The following CDH13 variants were observed in gnomAD, a reference collection of about 807,000 sequenced individuals.
CDH13 encodes the protein cadherin 13.
CDH13 carries 24 observed loss-of-function variants against 63.8 expected under a neutral mutation model. The observed-to-expected ratio is 0.38, with a 90% confidence interval of 0.27 to 0.53. The LOEUF (loss-of-function observed/expected upper bound fraction) is 0.53, where lower values mean the gene tolerates loss of function less well. Ranked by LOEUF, CDH13 falls within the 20% of genes least tolerant of loss-of-function variation. The pLI is 0.85. For missense variants in CDH13, 1,049 were observed against 903.1 expected (o/e 1.16, Z -2.07); for synonymous variants, 503 against 355.3 (o/e 1.42, Z -4.67).
intron 4 of CDH13, among the ~76,000 whole-genome samples, chr16:83,194,628 A>G (rs12102428): frequency 0.19 from 28,773 of 152,162 alleles, 2,996 homozygotes; most frequent in African/African-American, 0.27. Flanking sequence ...TTTCTTGGGT[A>G]AAAAGAAAAC....
intron 4 of CDH13, among the ~76,000 whole-genome samples, chr16:83,190,584 A>T (rs1567492262): frequency 6.6e-6 from 1 of 152,184 alleles, no homozygotes; most frequent in African/African-American, 2.4e-5. Flanking sequence ...GCCCTCACAA[A>T]TGCTGTTCAT....
intron 3 of CDH13, 112 bp downstream of exon 3, chr16:83,032,330 T>C: frequency 2.5e-6 from 2 of 809,500 alleles, no homozygotes; most frequent in South Asian, 3.9e-5. Context: ...CCTTTTGTTA[T>C]TGTTGTTGCA....
chr16:82,754,490 T>C (rs911698811), intron 1 of CDH13, among the ~76,000 whole-genome samples: 7 of 152,136 alleles, frequency 4.6e-5, no homozygotes, highest in African/African-American at 1.7e-4. Context: ...AGAAAAGGGG[T>C]CACTGTTTGT....
At chr16:82,958,225 C>G (rs1159099413) in intron 2 of CDH13, among the ~76,000 whole-genome samples, 1 of 152,178 alleles carries the variant, frequency 6.6e-6, no homozygotes, top group African/African-American at 2.4e-5. Flanking sequence ...AACTTGAATA[C>G]CTACTTAACA....
At chr16:83,411,060 C>T (rs16960415) in intron 6 of CDH13, among the ~76,000 whole-genome samples, 12,771 of 152,204 alleles carry the variant, frequency 0.084, 605 homozygotes, top group Middle Eastern at 0.13. Context: ...CTGATCCATC[C>T]ATAGCGGTCG....
At chr16:82,931,055 G>T (rs151087038) in intron 2 of CDH13, among the ~76,000 whole-genome samples, 189 of 152,304 alleles carry the variant, frequency 1.2e-3, no homozygotes, top group African/African-American at 4.3e-3. Flanking sequence ...TCCAAACAAA[G>T]TAGGCACCAT....
rs192738847 is a variant in CDH13, at chr16:83,797,563, A to T, written c.*2533A>T. 196 of 152,362 alleles carry T rather than the reference A, an allele frequency of 1.3e-3. 1 individual carries two copies. Among genetic ancestry groups the T allele is most frequent in the African/African-American group, 4.4e-3 (182 of 41,590 alleles). 9.4% of individuals were successfully genotyped at this position (152,362 alleles called of 1,614,324 possible). On this transcript the variant is annotated 3_prime_UTR_variant, in exon 14 of 14. Transcript: ENST00000567109. ...AAAATAAACCAATTCTTATAGGCCA[A>T]AGTGGTAGCATTTCCTGAATCATAA...
chr16:83,523,981 T>A (rs1377453654), intron 7 of CDH13, among the ~76,000 whole-genome samples: 1 of 152,138 alleles, frequency 6.6e-6, no homozygotes, highest in Non-Finnish European at 1.5e-5. Flanking sequence ...CCAGGAGTAT[T>A]TGCACCTCTC....
chr16:82,835,308 A>T (rs566279524), intron 1 of CDH13, among the ~76,000 whole-genome samples: 2 of 152,344 alleles, frequency 1.3e-5, no homozygotes, highest in East Asian at 3.9e-4. Context: ...GCTGGAACCA[A>T]TTTATGCTCC....
At chr16:83,158,367 CT>C (rs538806418) in intron 4 of CDH13, among the ~76,000 whole-genome samples, 64 of 152,222 alleles carry the variant, frequency 4.2e-4, no homozygotes, top group African/African-American at 1.3e-3. Context: ...ATTTCTTTTC[CT>C]TTTTTCCTTT....
At chr16:83,077,496 A>G (rs1292296925) in intron 3 of CDH13, among the ~76,000 whole-genome samples, 3 of 152,066 alleles carry the variant, frequency 2.0e-5, no homozygotes, top group Non-Finnish European at 2.9e-5. Flanking sequence ...CCTGGCCAGC[A>G]TAAGATTTTT....
chr16:82,814,292 C>G (rs1024067023), intron 1 of CDH13, among the ~76,000 whole-genome samples: 12 of 152,222 alleles, frequency 7.9e-5, no homozygotes, highest in South Asian at 4.2e-4. Context: ...ATCTTTTGCT[C>G]TAATGAGTTG....
intron 4 of CDH13, among the ~76,000 whole-genome samples, chr16:83,167,364 G>A (rs2037723236): frequency 6.6e-6 from 1 of 151,860 alleles, no homozygotes; most frequent in African/African-American, 2.4e-5. Flanking sequence ...GGGCATGCTG[G>A]TGCATACCTG....
chr16:83,604,457 G>C (rs1194722342), intron 8 of CDH13, among the ~76,000 whole-genome samples: 1 of 151,946 alleles, frequency 6.6e-6, no homozygotes, highest in Non-Finnish European at 1.5e-5. Flanking sequence ...TATACTTCAG[G>C]GTCAAGTAGA....
At chr16:82,833,620 C>A (rs2038639827) in intron 1 of CDH13, among the ~76,000 whole-genome samples, 1 of 152,224 alleles carries the variant, frequency 6.6e-6, no homozygotes, top group African/African-American at 2.4e-5. Context: ...AAATGATTCC[C>A]TTCCCTCCCG....
At chr16:83,132,632 G>A (rs1447643239) in intron 4 of CDH13, among the ~76,000 whole-genome samples, 2 of 151,794 alleles carry the variant, frequency 1.3e-5, no homozygotes, top group African/African-American at 4.8e-5. Context: ...TTTTAGTAGA[G>A]ACAGGGTTTC....
At chr16:83,328,460 C>T (rs766129382) in intron 5 of CDH13, among the ~76,000 whole-genome samples, 1 of 152,122 alleles carries the variant, frequency 6.6e-6, no homozygotes, top group Non-Finnish European at 1.5e-5. Flanking sequence ...ACTTAGAAGA[C>T]AATTGACATA....
rs568890558 is a variant in CDH13 at position 83,579,546 on chromosome 16, G to A, written c.961-22908G>A. Among the ~76,000 whole-genome samples the A allele has an allele frequency of 2.3e-4, 35 of 152,158 alleles. No individual in the cohort carries two copies. In the East Asian group the frequency reaches 6.8e-3, roughly 29 times the overall value. ...ACAAGAACTCACTATCATGAGACCA[G>A]CAAGGGGGAAATCCACCCCCTTGAT... On this transcript the variant is annotated intron_variant, in intron 7 of 13. Coordinates refer to ENST00000567109, the MANE Select transcript of CDH13 (RefSeq NM_001257.5).
chr16:83,300,104 AAG>A (rs2089697832), intron 5 of CDH13, among the ~76,000 whole-genome samples: 1 of 152,202 alleles, frequency 6.6e-6, no homozygotes, highest in African/African-American at 2.4e-5. Flanking sequence ...ACTCAAAGGG[AAG>A]AGATTACCCA....
Sources: gnomAD v4.1 joint callset for allele counts (sites outside exome capture counted in the v4.1 genomes callset) on GRCh38, gnomAD v4.1.1 for gene constraint, MANE v1.5 for transcripts, NCBI Gene and HGNC (gene_info 2026-07-23, HGNC 2026-07-21) for gene names.